The following TTC29 variants were observed in gnomAD, a reference collection of about 807,000 sequenced individuals.
The protein encoded by TTC29 is tetratricopeptide repeat domain 29.
In TTC29, 49 loss-of-function variants were observed where a neutral mutation model predicts 58.1. The ratio of observed to expected loss-of-function variants is 0.84; its 90% CI spans 0.67 to 1.07. TTC29 has a LOEUF of 1.07. TTC29 is among the 50% of genes least tolerant of loss of function. The pLI is 0.00. For missense variants in TTC29, 582 were observed against 555.6 expected (o/e 1.05, Z -0.48); for synonymous variants, 209 against 196.8 (o/e 1.06, Z -0.52).
intron 10 of TTC29, among the ~76,000 whole-genome samples, chr4:146,803,974 C>G (rs1486993443): frequency 6.6e-6 from 1 of 152,162 alleles, no homozygotes; most frequent in Non-Finnish European, 1.5e-5. Flanking sequence ...TGAATAGGAA[C>G]AGCTCTGGTC....
intron 8 of TTC29, among the ~76,000 whole-genome samples, chr4:146,854,248 CCAAGTCGT>C (rs1419071505): frequency 6.6e-6 from 1 of 152,128 alleles, no homozygotes; most frequent in Non-Finnish European, 1.5e-5. Context: ...AAAACCCGAA[CCAAGTCGT>C]CAAGGTATTG....
At chr4:146,738,157 C>T (rs547130841) in intron 11 of TTC29, among the ~76,000 whole-genome samples, 12 of 152,070 alleles carry the variant, frequency 7.9e-5, no homozygotes, top group African/African-American at 2.2e-4. Context: ...ACCAGCATGG[C>T]GGCAGAATCT....
chr4:146,778,052 A>T (rs1023576573), intron 11 of TTC29, among the ~76,000 whole-genome samples: 6 of 152,170 alleles, frequency 3.9e-5, no homozygotes, highest in Admixed American at 6.5e-5. Context: ...GCCACAATGA[A>T]CTGTAGTTCA....
chr4:146,833,891 C>A lies in TTC29; in HGVS notation c.892G>T (p.Asp298Tyr). 8 of 1,611,412 alleles carry A rather than the reference C, an allele frequency of 5.0e-6. No individual in the cohort carries two copies. Among genetic ancestry groups the A allele is most frequent in the South Asian group, 1.1e-5 (1 of 90,938 alleles). ...EEYETALTVL[D>Y]TYCKISTDLD... ...TCTGTGGAGATTTTACAGTAAGTGT[C>A]AAGGACCTATCAGGAAGAGAAATAC... The change falls in exon 9 of 13, where the codon GAC (aspartate) becomes TAC (tyrosine). Residue 298 changes from aspartate to tyrosine, a missense_variant. Physicochemically the swap from Asp to Tyr is radical, Grantham distance 160 (BLOSUM62 -3). Coordinates refer to ENST00000325106, the MANE Select transcript of TTC29 (RefSeq NM_031956.4).
intron 4 of TTC29, among the ~76,000 whole-genome samples, chr4:146,912,802 C>G (rs1408002547): frequency 6.6e-6 from 1 of 151,834 alleles, no homozygotes; most frequent in Non-Finnish European, 1.5e-5. Flanking sequence ...GGGGTGGAAC[C>G]AGGGTAAAGC....
At chr4:146,760,009 G>A (rs1038769853) in intron 11 of TTC29, among the ~76,000 whole-genome samples, 6 of 152,046 alleles carry the variant, frequency 3.9e-5, no homozygotes, top group African/African-American at 1.4e-4. Flanking sequence ...ACTGTTTGCT[G>A]ACAATATGAT....
chr4:146,754,653 G>A (rs1238387740), intron 11 of TTC29, among the ~76,000 whole-genome samples: 3 of 152,098 alleles, frequency 2.0e-5, no homozygotes, highest in Admixed American at 2.0e-4. Context: ...CACATTAACA[G>A]AATGAAAGAT....
intron 7 of TTC29, among the ~76,000 whole-genome samples, chr4:146,873,090 G>C (rs769488094): frequency 6.6e-6 from 1 of 152,122 alleles, no homozygotes; most frequent in Non-Finnish European, 1.5e-5. Flanking sequence ...TGCTACACTT[G>C]TGCATTACAT....
chr4:146,930,424 G>T (rs1482749996), intron 4 of TTC29, among the ~76,000 whole-genome samples: 2 of 152,014 alleles, frequency 1.3e-5, no homozygotes, highest in African/African-American at 4.8e-5. Context: ...AAAGTCCCTG[G>T]TCTGGTAATA....
intron 11 of TTC29, among the ~76,000 whole-genome samples, chr4:146,778,630 T>C (rs562955402): frequency 6.6e-6 from 1 of 152,252 alleles, no homozygotes; most frequent in South Asian, 2.1e-4. Flanking sequence ...CAAATGTGAG[T>C]ACACATTTCT....
intron 10 of TTC29, among the ~76,000 whole-genome samples, chr4:146,809,656 G>GA (rs869182846): frequency 6.7e-6 from 1 of 149,272 alleles, no homozygotes; most frequent in East Asian, 2.0e-4. Flanking sequence ...CCAAACATAT[G>GA]AAAAAAAAGC....
chr4:146,942,544 G>C (rs892709145), intron 2 of TTC29: 12 of 1,357,118 alleles, frequency 8.8e-6, no homozygotes, highest in Admixed American at 4.0e-5. Flanking sequence ...AGGTTTGAAG[G>C]GACACCAAAG....
chr4:146,725,179 A>G (rs1743676844), intron 11 of TTC29, among the ~76,000 whole-genome samples: 1 of 152,212 alleles, frequency 6.6e-6, no homozygotes, highest in South Asian at 2.1e-4. Context: ...GCATTATATA[A>G]ACTATACTTC....
At chr4:146,761,059 A>T (rs1362535361) in intron 11 of TTC29, among the ~76,000 whole-genome samples, 1 of 151,828 alleles carries the variant, frequency 6.6e-6, no homozygotes, top group South Asian at 2.1e-4. Context: ...ATGCAAAGGC[A>T]TAAGAATGAT....
At chr4:146,804,958 G>A (rs1178658123) in intron 10 of TTC29, among the ~76,000 whole-genome samples, 2 of 152,128 alleles carry the variant, frequency 1.3e-5, no homozygotes, top group Non-Finnish European at 2.9e-5. Context: ...TCCCAGCAGG[G>A]GTCGACAGAC....
intron 8 of TTC29, among the ~76,000 whole-genome samples, chr4:146,856,639 T>C (rs1456320134): frequency 6.6e-6 from 1 of 151,028 alleles, no homozygotes; most frequent in Non-Finnish European, 1.5e-5. Context: ...ATAATCAAGG[T>C]AAAAAAAGAA....
At chr4:146,916,120 T>C (rs1734203379) in intron 4 of TTC29, among the ~76,000 whole-genome samples, 1 of 151,802 alleles carries the variant, frequency 6.6e-6, no homozygotes, top group African/African-American at 2.4e-5. Context: ...ATAATTTCCT[T>C]GGAATAAAGT....
chr4:146,777,583 A>G (rs1186270598), intron 11 of TTC29, among the ~76,000 whole-genome samples: 1 of 152,102 alleles, frequency 6.6e-6, no homozygotes, highest in East Asian at 1.9e-4. Flanking sequence ...ATGTACCTAT[A>G]CTTTGCCAGT....
chr4:146,779,939 A>T (rs1561117671), intron 11 of TTC29, among the ~76,000 whole-genome samples: 1 of 152,170 alleles, frequency 6.6e-6, no homozygotes, highest in East Asian at 1.9e-4. Flanking sequence ...TCAACACTAC[A>T]TTCAAATAAA....
Sources: gnomAD v4.1 joint callset for allele counts (sites outside exome capture counted in the v4.1 genomes callset) on GRCh38, gnomAD v4.1.1 for gene constraint, MANE v1.5 for transcripts, NCBI Gene and HGNC (gene_info 2026-07-23, HGNC 2026-07-21) for gene names.